The following RPS6KB1 variants were observed in gnomAD, a reference collection of about 807,000 sequenced individuals.
RPS6KB1 encodes ribosomal protein S6 kinase beta-1.
Under a neutral mutation model 70.2 loss-of-function variants are expected in RPS6KB1, and 12 were observed. The observed-to-expected ratio is 0.17, with a 90% CI of 0.11 to 0.28. The LOEUF is 0.28. Among genes scored for constraint, RPS6KB1 ranks in the 10% least tolerant of loss-of-function variants. The pLI, the probability that RPS6KB1 is intolerant of heterozygous loss-of-function variation, is 1.00. For missense variants in RPS6KB1, 270 were observed against 646.6 expected (o/e 0.42, Z 6.32); for synonymous variants, 175 against 211.2 (o/e 0.83, Z 1.49).
At chr17:59,924,008 C>G (rs2043437155) in intron 4 of RPS6KB1, among the ~76,000 whole-genome samples, 1 of 152,070 alleles carries the variant, frequency 6.6e-6, no homozygotes, top group South Asian at 2.1e-4. Flanking sequence ...TACATATAGG[C>G]CACTAAGGGT....
Position 59,934,426 on chromosome 17 carries a change from C to G in RPS6KB1, c.780-8C>G, listed in dbSNP as rs1212935506. On this transcript the variant is annotated splice_region_variant and splice_polypyrimidine_tract_variant and intron_variant, in intron 8 of 14. Coordinates refer to ENST00000225577, the MANE Select transcript of RPS6KB1 (RefSeq NM_003161.4). The surrounding 1 kb of genome is among the most constrained non-coding windows in gnomAD (Gnocchi z 4.8). ...GAATTTTTAAGCATATTATTTTCCT[C>G]ATTGTAGGGCCCCTGAAATCTTGAT... The G allele has an allele frequency of 1.2e-6, 2 of 1,611,884 alleles. No individual in the cohort carries two copies. The highest frequency in any genetic ancestry group is 1.1e-5 in the South Asian group (1 of 90,962).
At chr17:59,911,741 C>T (rs1317926701) in intron 2 of RPS6KB1, among the ~76,000 whole-genome samples, 3 of 151,394 alleles carry the variant, frequency 2.0e-5, no homozygotes, top group African/African-American at 4.9e-5. Context: ...GACGGGGTTT[C>T]ACCATGTTGG....
intron 1 of RPS6KB1, among the ~76,000 whole-genome samples, chr17:59,908,701 C>T (rs2144754466): frequency 7.2e-6 from 1 of 139,762 alleles, no homozygotes; most frequent in East Asian, 2.2e-4. Flanking sequence ...TCACTGCAAG[C>T]TCCGCCTCCC....
At chr17:59,900,373 C>CT (rs1045682836) in intron 1 of RPS6KB1, among the ~76,000 whole-genome samples, 2 of 150,954 alleles carry the variant, frequency 1.3e-5, no homozygotes, top group African/African-American at 2.4e-5. Flanking sequence ...TTTTCTTTTT[C>CT]TTTTTTTTTG....
chr17:59,901,466 A>C (rs116248788), intron 1 of RPS6KB1, among the ~76,000 whole-genome samples: 6,376 of 150,842 alleles, frequency 0.042, 482 homozygotes, highest in African/African-American at 0.15. Context: ...CATCTTAAAA[A>C]AAAAAAAAGG....
At chr17:59,907,931 T>C (rs2042366308) in intron 1 of RPS6KB1, among the ~76,000 whole-genome samples, 1 of 152,164 alleles carries the variant, frequency 6.6e-6, no homozygotes, top group Non-Finnish European at 1.5e-5. Flanking sequence ...TATTTAAATT[T>C]TGCACTCATT....
intron 5 of RPS6KB1, among the ~76,000 whole-genome samples, chr17:59,927,271 A>G (rs1473680786): frequency 3.3e-5 from 5 of 151,260 alleles, no homozygotes; most frequent in Non-Finnish European, 7.4e-5. Context: ...TTTAGTAAAG[A>G]TGGGGTTTCA....
chr17:59,919,662 C>T (rs868686601), intron 4 of RPS6KB1, among the ~76,000 whole-genome samples: 9 of 151,768 alleles, frequency 5.9e-5, no homozygotes, highest in Admixed American at 1.3e-4. Context: ...TCTAATCTTT[C>T]ACTTTTTTTT....
chr17:59,909,976 C>T (rs946565748), intron 1 of RPS6KB1, among the ~76,000 whole-genome samples: 1 of 151,982 alleles, frequency 6.6e-6, no homozygotes, highest in African/African-American at 2.4e-5. Flanking sequence ...GGCGCCACTG[C>T]ACTCCAGCCT....
At chr17:59,901,642 AAAAAG>A (rs1399096002) in intron 1 of RPS6KB1, among the ~76,000 whole-genome samples, 2 of 149,576 alleles carry the variant, frequency 1.3e-5, no homozygotes, top group Non-Finnish European at 3.0e-5. Context: ...AAAAAAAAAA[AAAAAG>A]AAAAAAAAAG....
intron 7 of RPS6KB1, among the ~76,000 whole-genome samples, chr17:59,933,176 A>G (rs1481553257): frequency 4.6e-5 from 7 of 151,786 alleles, no homozygotes. Flanking sequence ...TCATATAAAC[A>G]TTCCAGATTA....
At chr17:59,936,956 C>A (rs564699412) in intron 12 of RPS6KB1, among the ~76,000 whole-genome samples, 6 of 152,268 alleles carry the variant, frequency 3.9e-5, no homozygotes, top group Admixed American at 2.6e-4. Context: ...CCTCCCCAGG[C>A]TCAGGTGATT....
intron 5 of RPS6KB1, among the ~76,000 whole-genome samples, chr17:59,929,391 G>C (rs929913219): frequency 2.6e-5 from 4 of 152,162 alleles, no homozygotes; most frequent in African/African-American, 9.7e-5. Flanking sequence ...AAGCCACTGC[G>C]CCCAGCCCAC....
chr17:59,910,666 A>G (rs570888080), intron 2 of RPS6KB1, 55 bp downstream of exon 2: 9 of 1,126,070 alleles, frequency 8.0e-6, no homozygotes, highest in African/African-American at 6.2e-5. Context: ...AGTAGGTTTT[A>G]TCAGTTCTAT....
chr17:59,909,434 A>G (rs962023993), intron 1 of RPS6KB1, among the ~76,000 whole-genome samples: 4 of 147,418 alleles, frequency 2.7e-5, no homozygotes, highest in Middle Eastern at 3.7e-3. Flanking sequence ...CACCCGTCTA[A>G]TTTTTGTATT....
chr17:59,901,628 A>G (rs2041954361), intron 1 of RPS6KB1, among the ~76,000 whole-genome samples: 1 of 145,734 alleles, frequency 6.9e-6, no homozygotes, highest in African/African-American at 2.5e-5. Flanking sequence ...TGTCTCTGAA[A>G]AAAAAAAAAA....
At chr17:59,915,799 T>TTTTTTTTTG (rs2042924832) in intron 4 of RPS6KB1, among the ~76,000 whole-genome samples, 1 of 138,948 alleles carries the variant, frequency 7.2e-6, no homozygotes, top group African/African-American at 2.7e-5. Context: ...TTTTTTTTTT[T>TTTTTTTTTG]ATTGTGACAG....
chr17:59,895,972 A>G (rs1167368567), intron 1 of RPS6KB1, among the ~76,000 whole-genome samples: 1 of 152,144 alleles, frequency 6.6e-6, no homozygotes, highest in Non-Finnish European at 1.5e-5. Context: ...GCAGAATTCC[A>G]ATTAGCCTCT....
chr17:59,900,231 C>CACACACACACACA (rs1568377853), intron 1 of RPS6KB1, among the ~76,000 whole-genome samples: 24 of 143,804 alleles, frequency 1.7e-4, no homozygotes, highest in East Asian at 8.2e-4. Context: ...CACACACACA[C>CACACACACACACA]CCCTATGTGT....
Sources: allele counts gnomAD v4.1 joint callset (sites outside exome capture counted in the v4.1 genomes callset), GRCh38; gene constraint gnomAD v4.1.1; non-coding constraint Gnocchi (gnomAD v3.1); transcripts MANE v1.5; gene names NCBI Gene and HGNC (gene_info 2026-07-23, HGNC 2026-07-21).